LEKR1: variants seen among roughly 807,000 people sequenced by gnomAD.
LEKR1 encodes the protein protein LEKR1.
In LEKR1, 59 loss-of-function variants were observed where a neutral mutation model predicts 72.4. The ratio of observed to expected loss-of-function variants is 0.82; its 90% CI spans 0.66 to 1.01. LEKR1 has a LOEUF of 1.01. Among genes scored for constraint, LEKR1 ranks in the 50% least tolerant of loss-of-function variants. The probability of loss-of-function intolerance (pLI) is 0.00; values close to 1 mark genes in which losing one functional copy is unlikely to be tolerated. For synonymous variants in LEKR1, 257 were observed against 263.2 expected, an observed-to-expected ratio of 0.98 and a Z score of 0.23; for missense variants, 728 against 759.2, an observed-to-expected ratio of 0.96 and a Z score of 0.48.
At chr3:156,849,028 C>A (rs1159993100) in intron 2 of LEKR1, among the ~76,000 whole-genome samples, 1 of 152,120 alleles carries the variant, frequency 6.6e-6, no homozygotes, top group African/African-American at 2.4e-5. Context: ...AGCCCAAAAT[C>A]TCCTTAACCT....
chr3:156,978,626 C>T (rs576703909), intron 6 of LEKR1, among the ~76,000 whole-genome samples: 1 of 152,240 alleles, frequency 6.6e-6, no homozygotes, highest in South Asian at 2.1e-4. Context: ...TCAAATACTG[C>T]TTACATTCTC....
At chr3:157,024,968 T>C (rs1458352592) in intron 11 of LEKR1, 44 bp downstream of exon 11, 3 of 1,347,052 alleles carry the variant, frequency 2.2e-6, no homozygotes, top group African/African-American at 1.5e-5. Flanking sequence ...GATTTGAAAC[T>C]GCAGATGTTG....
At chr3:156,904,138 T>G (rs1231730112) in intron 3 of LEKR1, among the ~76,000 whole-genome samples, 1 of 152,210 alleles carries the variant, frequency 6.6e-6, no homozygotes, top group Non-Finnish European at 1.5e-5. Context: ...CTGGGCATTG[T>G]TACCAGAGCT....
At chr3:156,997,926 T>C (rs2108013186) in intron 9 of LEKR1, among the ~76,000 whole-genome samples, 1 of 152,318 alleles carries the variant, frequency 6.6e-6, no homozygotes, top group South Asian at 2.1e-4. Flanking sequence ...GGAAGAATCT[T>C]CAGTGAAAGG....
intron 9 of LEKR1, among the ~76,000 whole-genome samples, chr3:156,998,151 T>C (rs1386985680): frequency 6.6e-6 from 1 of 152,084 alleles, no homozygotes; most frequent in Non-Finnish European, 1.5e-5. Context: ...ACACAAGGTC[T>C]CGGTGGCCAA....
intron 3 of LEKR1, among the ~76,000 whole-genome samples, chr3:156,900,098 C>T (rs1310248670): frequency 2.0e-5 from 3 of 151,910 alleles, no homozygotes; most frequent in African/African-American, 7.3e-5. Context: ...ATGAGTAAAA[C>T]AGACTGGTGG....
intron 7 of LEKR1, among the ~76,000 whole-genome samples, chr3:156,987,418 G>T (rs917371034): frequency 1.3e-5 from 2 of 152,152 alleles, no homozygotes; most frequent in Non-Finnish European, 2.9e-5. Flanking sequence ...GAGTTCTTCT[G>T]TTCCTGCTTC....
intron 5 of LEKR1, among the ~76,000 whole-genome samples, chr3:156,930,434 T>G (rs1022090398): frequency 5.3e-5 from 8 of 152,050 alleles, no homozygotes; most frequent in Non-Finnish European, 1.0e-4. Flanking sequence ...ACAACTAGAG[T>G]CTAAAGGATG....
chr3:156,930,190 A>C (rs1296846308), intron 5 of LEKR1, among the ~76,000 whole-genome samples: 1 of 152,160 alleles, frequency 6.6e-6, no homozygotes, highest in East Asian at 1.9e-4. Flanking sequence ...AGAATCAGTG[A>C]ATTTAAAGAT....
At chr3:157,015,474 A>G (rs1258575678) in intron 10 of LEKR1, among the ~76,000 whole-genome samples, 1 of 152,220 alleles carries the variant, frequency 6.6e-6, no homozygotes, top group Non-Finnish European at 1.5e-5. Flanking sequence ...AGGGTCTTGC[A>G]TCACAAGTTG....
At chr3:156,924,596 A>C (rs975776352) in intron 4 of LEKR1, 1 of 609,992 alleles carries the variant, frequency 1.6e-6, no homozygotes, top group Non-Finnish European at 2.9e-6. Flanking sequence ...GCTCTTCTTT[A>C]GATCTATGAT....
intron 3 of LEKR1, among the ~76,000 whole-genome samples, chr3:156,882,259 A>G (rs2108552606): frequency 6.6e-6 from 1 of 152,154 alleles, no homozygotes; most frequent in African/African-American, 2.4e-5. Flanking sequence ...TCATCTGACG[A>G]AGGGCTAATA....
At chr3:156,844,557 A>T (rs1445403889) in intron 2 of LEKR1, among the ~76,000 whole-genome samples, 1 of 152,100 alleles carries the variant, frequency 6.6e-6, no homozygotes, top group African/African-American at 2.4e-5. Context: ...CCTGGCAACC[A>T]TTGGTCTGGT....
At chr3:156,987,110 C>G (rs1730760626) in intron 7 of LEKR1, among the ~76,000 whole-genome samples, 1 of 150,718 alleles carries the variant, frequency 6.6e-6, no homozygotes, top group Non-Finnish European at 1.5e-5. Context: ...CAGCAGGGAC[C>G]TTTCTGAAGG....
chr3:156,842,726 C>T (rs1012455113), intron 2 of LEKR1, among the ~76,000 whole-genome samples: 5 of 152,166 alleles, frequency 3.3e-5, no homozygotes, highest in Non-Finnish European at 7.3e-5. Flanking sequence ...AATCCATTGC[C>T]TGATTAGAAG....
intron 5 of LEKR1, among the ~76,000 whole-genome samples, chr3:156,929,890 T>C (rs995501261): frequency 1.3e-5 from 2 of 152,186 alleles, no homozygotes; most frequent in African/African-American, 2.4e-5. Flanking sequence ...GATAATATTT[T>C]CCATAGTTAT....
intron 4 of LEKR1, among the ~76,000 whole-genome samples, chr3:156,922,533 A>G (rs776869410): frequency 7.9e-5 from 12 of 152,028 alleles, no homozygotes; most frequent in Non-Finnish European, 1.3e-4. Flanking sequence ...TTTGGGGTCC[A>G]TTGCTGTTTT....
intron 11 of LEKR1, among the ~76,000 whole-genome samples, chr3:157,026,619 A>C (rs1734209247): frequency 6.6e-6 from 1 of 152,228 alleles, no homozygotes. Context: ...GACTTCTCAC[A>C]CAAGTTATTC....
At chr3:156,863,519 C>T (rs1051839455) in intron 3 of LEKR1, among the ~76,000 whole-genome samples, 1 of 152,022 alleles carries the variant, frequency 6.6e-6, no homozygotes, top group Non-Finnish European at 1.5e-5. Flanking sequence ...TGCACCTTCA[C>T]AAAAGTGGAC....
Sources: gnomAD v4.1 joint callset for allele counts (sites outside exome capture counted in the v4.1 genomes callset) on GRCh38, gnomAD v4.1.1 for gene constraint, MANE v1.5 for transcripts, NCBI Gene and HGNC (gene_info 2026-07-23, HGNC 2026-07-21) for gene names.